Variants in ZNG1B observed in about 807,000 individuals in gnomAD.
The protein encoded by ZNG1B is Zn regulated GTPase metalloprotein activator 1B.
chr2:113,441,142 G>C, the ZNG1B span, among the ~76,000 whole-genome samples: 32,223 of 151,844 alleles, frequency 0.21, 3,638 homozygotes, highest in East Asian at 0.53. Flanking sequence ...AGGAGTGTTT[G>C]TAAATATTTA....
the ZNG1B span, among the ~76,000 whole-genome samples, chr2:113,458,420 A>ATGGTAT: frequency 6.6e-6 from 1 of 151,888 alleles, no homozygotes; most frequent in Admixed American, 6.6e-5. Context: ...TTCTGCTATA[A>ATGGTAT]TGGTATATGA....
chr2:113,479,833 C>T, the ZNG1B span, among the ~76,000 whole-genome samples: 30 of 131,530 alleles, frequency 2.3e-4, no homozygotes, highest in South Asian at 2.5e-4. Flanking sequence ...TTTTTTTTTT[C>T]CCCTTGGAGA....
the ZNG1B span, among the ~76,000 whole-genome samples, chr2:113,460,225 G>A: frequency 1.3e-5 from 2 of 149,484 alleles, no homozygotes; most frequent in Admixed American, 6.7e-5. Context: ...GGGGTTTGGT[G>A]TGAAGGGAAG....
chr2:113,485,896 A>G, the ZNG1B span, among the ~76,000 whole-genome samples: 1 of 152,064 alleles, frequency 6.6e-6, no homozygotes, highest in South Asian at 2.1e-4. Context: ...CCTAAATTTT[A>G]TTTTAGAGAC....
the ZNG1B span, among the ~76,000 whole-genome samples, chr2:113,489,369 C>T: frequency 0.023 from 3,439 of 152,220 alleles, 112 homozygotes; most frequent in African/African-American, 0.077. Flanking sequence ...GAAACAAATC[C>T]TGGAAACATA....
the ZNG1B span, chr2:113,453,245 T>A: frequency 6.3e-7 from 1 of 1,588,684 alleles, no homozygotes; most frequent in Non-Finnish European, 8.5e-7. Context: ...TTTTTGTTTT[T>A]TTTTTTATTT....
the ZNG1B span, chr2:113,444,897 G>A: frequency 4.1e-5 from 65 of 1,594,192 alleles, no homozygotes; most frequent in Middle Eastern, 1.8e-3. Context: ...ATATTTTAAA[G>A]TGTTTATAAT....
chr2:113,461,253 AT>A, the ZNG1B span, among the ~76,000 whole-genome samples: 59 of 149,298 alleles, frequency 4.0e-4, no homozygotes, highest in African/African-American at 1.2e-3. Flanking sequence ...TTTTATTTTT[AT>A]TTTTTTTAGT....
chr2:113,487,178 TC>T, the ZNG1B span, among the ~76,000 whole-genome samples: 1 of 152,244 alleles, frequency 6.6e-6, no homozygotes, highest in Non-Finnish European at 1.5e-5. Context: ...TGTTATCATT[TC>T]CATACACTGG....
At chr2:113,485,410 T>C in the ZNG1B span, among the ~76,000 whole-genome samples, 26 of 141,874 alleles carry the variant, frequency 1.8e-4, no homozygotes, top group Admixed American at 3.6e-4. Flanking sequence ...CAGGAGACCA[T>C]GCGGGAAGAT....
At chr2:113,477,754 A>C in the ZNG1B span, among the ~76,000 whole-genome samples, 2 of 152,256 alleles carry the variant, frequency 1.3e-5, no homozygotes. Flanking sequence ...GAGGATGTGC[A>C]GCAGATCTCT....
At chr2:113,477,124 C>T in the ZNG1B span, among the ~76,000 whole-genome samples, 1 of 152,370 alleles carries the variant, frequency 6.6e-6, no homozygotes, top group Non-Finnish European at 1.5e-5. Flanking sequence ...AGCCTCGCTG[C>T]CGCCTTGTAG....
At chr2:113,476,936 A>T in the ZNG1B span, among the ~76,000 whole-genome samples, 1 of 152,152 alleles carries the variant, frequency 6.6e-6, no homozygotes, top group Non-Finnish European at 1.5e-5. Context: ...TCAGACAGGG[A>T]CACTTAAGTC....
chr2:113,457,908 G>T, the ZNG1B span, among the ~76,000 whole-genome samples: 2 of 128,090 alleles, frequency 1.6e-5, no homozygotes, highest in African/African-American at 5.7e-5. Flanking sequence ...ATCTCACACC[G>T]CTCCCCTTTA....
At chr2:113,443,284 A>G in the ZNG1B span, among the ~76,000 whole-genome samples, 1 of 151,962 alleles carries the variant, frequency 6.6e-6, no homozygotes, top group Non-Finnish European at 1.5e-5. Context: ...CTTCCTCAAG[A>G]TGAACTAGGG....
chr2:113,445,190 G>C, the ZNG1B span: 35 of 1,116,944 alleles, frequency 3.1e-5, no homozygotes, highest in African/African-American at 5.2e-4. Context: ...GTTTAAAAGA[G>C]GAAAAGTACT....
At chr2:113,446,817 C>A in the ZNG1B span, among the ~76,000 whole-genome samples, 2 of 147,212 alleles carry the variant, frequency 1.4e-5, no homozygotes, top group African/African-American at 5.0e-5. Flanking sequence ...CACATTCATA[C>A]ACACACACAC....
the ZNG1B span, among the ~76,000 whole-genome samples, chr2:113,477,550 C>G: frequency 3.1e-3 from 442 of 144,264 alleles, no homozygotes; most frequent in Middle Eastern, 0.018. Flanking sequence ...TCTCTCCTCT[C>G]TTCACTTTAA....
chr2:113,487,090 G>A, the ZNG1B span, among the ~76,000 whole-genome samples: 68 of 152,034 alleles, frequency 4.5e-4, no homozygotes, highest in Admixed American at 9.2e-4. Flanking sequence ...GTCATGCACC[G>A]CATAACAGCG....
Sources: gnomAD v4.1 joint callset for allele counts (sites outside exome capture counted in the v4.1 genomes callset) on GRCh38, gnomAD v4.1.1 for gene constraint, MANE v1.5 for transcripts, NCBI Gene and HGNC (gene_info 2026-07-23, HGNC 2026-07-21) for gene names.